Variants in FAM107B observed in about 807,000 individuals in gnomAD.
The protein encoded by FAM107B is family with sequence similarity 107 member B, also known as protein FAM107B.
A neutral mutation model predicts 31.5 loss-of-function variants in FAM107B; 21 were observed. The ratio of observed to expected loss-of-function variants is 0.67; its 90% CI spans 0.47 to 0.96. The LOEUF (loss-of-function observed/expected upper bound fraction) is 0.96, where lower values mean the gene tolerates loss of function less well. Ranked by LOEUF, FAM107B falls within the 40% of genes least tolerant of loss-of-function variation. FAM107B has a pLI of 0.00. For synonymous variants in FAM107B, 157 were observed against 141.5 expected, an observed-to-expected ratio of 1.11 and a Z score of -0.78; for missense variants, 452 against 377.1, an observed-to-expected ratio of 1.20 and a Z score of -1.64.
At chr10:14,571,042 C>T (rs4498873) in intron 2 of FAM107B, among the ~76,000 whole-genome samples, 40,161 of 151,954 alleles carry the variant, frequency 0.26, 5,903 homozygotes, top group Middle Eastern at 0.35. Flanking sequence ...ATTCTAGAGG[C>T]TGGGAAGTCC....
At chr10:14,672,573 T>C (rs1316819928) in intron 1 of FAM107B, among the ~76,000 whole-genome samples, 1 of 152,224 alleles carries the variant, frequency 6.6e-6, no homozygotes, top group Non-Finnish European at 1.5e-5. Flanking sequence ...AGATAGTTTA[T>C]AACCTGATGG....
At chr10:14,752,322 A>G (rs12269006) in intron 1 of FAM107B, among the ~76,000 whole-genome samples, 3,083 of 152,296 alleles carry the variant, frequency 0.02, 117 homozygotes, top group African/African-American at 0.071. Flanking sequence ...GCCTCCCTCC[A>G]GGGAGGAAGG....
intron 2 of FAM107B, among the ~76,000 whole-genome samples, chr10:14,566,206 T>C (rs1850654063): frequency 6.6e-6 from 1 of 152,070 alleles, no homozygotes; most frequent in Non-Finnish European, 1.5e-5. Flanking sequence ...ATCTAATGGA[T>C]TGAGGAGTGA....
chr10:14,677,118 G>T (rs1416844731), intron 1 of FAM107B, among the ~76,000 whole-genome samples: 1 of 152,108 alleles, frequency 6.6e-6, no homozygotes, highest in Non-Finnish European at 1.5e-5. Context: ...CACAAGGGTT[G>T]ATCCCAGGAG....
chr10:14,768,711 T>G (rs1833235718), intron 1 of FAM107B, among the ~76,000 whole-genome samples: 1 of 152,214 alleles, frequency 6.6e-6, no homozygotes, highest in African/African-American at 2.4e-5. Flanking sequence ...AATGAATCAC[T>G]CTCCTTCCTC....
At chr10:14,626,559 A>G (rs1853170002) in intron 2 of FAM107B, among the ~76,000 whole-genome samples, 1 of 137,386 alleles carries the variant, frequency 7.3e-6, no homozygotes, top group Non-Finnish European at 1.5e-5. Context: ...GCTGGAGTGC[A>G]GTGGCGTGAG....
intron 1 of FAM107B, among the ~76,000 whole-genome samples, chr10:14,744,706 A>G (rs56035231): frequency 2.8e-3 from 430 of 152,270 alleles, no homozygotes; most frequent in African/African-American, 9.7e-3. Context: ...CAACTTGATC[A>G]TGGTGGTCAA....
intron 2 of FAM107B, among the ~76,000 whole-genome samples, chr10:14,562,159 T>C (rs1850299845): frequency 6.6e-6 from 1 of 152,244 alleles, no homozygotes; most frequent in African/African-American, 2.4e-5. Flanking sequence ...CATTTTCAAA[T>C]GTAATGATGA....
intron 2 of FAM107B, among the ~76,000 whole-genome samples, chr10:14,564,306 G>T (rs961272616): frequency 6.6e-6 from 1 of 151,868 alleles, no homozygotes; most frequent in Non-Finnish European, 1.5e-5. Context: ...GCAGATCAGC[G>T]GCAGCTTTCT....
chr10:14,723,484 C>T, intron 1 of FAM107B: 1 of 577,834 alleles, frequency 1.7e-6, no homozygotes, highest in Middle Eastern at 3.9e-4. Context: ...CGGGTGTTTA[C>T]AGGAAATGGT....
chr10:14,712,320 G>C (rs539086842), intron 1 of FAM107B, among the ~76,000 whole-genome samples: 1 of 151,970 alleles, frequency 6.6e-6, no homozygotes, highest in African/African-American at 2.4e-5. Flanking sequence ...GGCCGGGTGC[G>C]TGGCTCAAGC....
intron 1 of FAM107B, among the ~76,000 whole-genome samples, chr10:14,713,262 C>T (rs1204798854): frequency 6.6e-6 from 1 of 152,166 alleles, no homozygotes; most frequent in African/African-American, 2.4e-5. Context: ...GCCAGTAAAG[C>T]TTTATCGAGA....
At chr10:14,720,538 G>A (rs1588729411) in intron 1 of FAM107B, among the ~76,000 whole-genome samples, 1 of 152,350 alleles carries the variant, frequency 6.6e-6, no homozygotes, top group East Asian at 1.9e-4. Context: ...ACAGGTGTGA[G>A]TCACCATGCC....
chr10:14,520,735 T>G lies in FAM107B; in HGVS notation c.*455A>C, dbSNP rs1845547857. ...CAAAATTTACAGTGAGTGAACAGAT[T>G]AAACGCATTTCTAGGTGATCTCAAT... is the stretch of plus-strand genomic sequence containing the variant. On this transcript the variant is annotated 3_prime_UTR_variant, in exon 5 of 5. Coordinates refer to ENST00000181796, the MANE Select transcript of FAM107B (RefSeq NM_031453.4). 6.5e-6 allele frequency: 1 copy of G among 153,236 alleles called. No homozygotes were observed. The highest frequency in any genetic ancestry group is 2.4e-5 in the African/African-American group (1 of 41,464). 9.5% of individuals were successfully genotyped at this position (153,236 alleles called of 1,614,324 possible). A position where few individuals can be genotyped will look rare whatever the true frequency, so the allele number is the denominator to read the frequency against.
chr10:14,602,184 T>C (rs994194603), intron 2 of FAM107B, among the ~76,000 whole-genome samples: 2 of 152,166 alleles, frequency 1.3e-5, no homozygotes, highest in African/African-American at 4.8e-5. Context: ...AGGCTACTAC[T>C]GCACCGCAAC....
At chr10:14,585,690 CA>C (rs1851799856) in intron 2 of FAM107B, among the ~76,000 whole-genome samples, 1 of 152,190 alleles carries the variant, frequency 6.6e-6, no homozygotes, top group African/African-American at 2.4e-5. Flanking sequence ...ATAACAAGTA[CA>C]CAAAGAGAGG....
chr10:14,688,807 C>T (rs1043608440), intron 1 of FAM107B, among the ~76,000 whole-genome samples: 1 of 152,196 alleles, frequency 6.6e-6, no homozygotes, highest in Non-Finnish European at 1.5e-5. Flanking sequence ...CCACTTCCCA[C>T]AGCTGCTGCT....
chr10:14,692,848 G>T (rs1044611310), intron 1 of FAM107B, among the ~76,000 whole-genome samples: 2 of 152,188 alleles, frequency 1.3e-5, no homozygotes, highest in African/African-American at 4.8e-5. Flanking sequence ...TATGTGCCAC[G>T]TGAGAATAAA....
intron 2 of FAM107B, among the ~76,000 whole-genome samples, chr10:14,605,008 C>A (rs1420363907): frequency 6.6e-6 from 1 of 152,182 alleles, no homozygotes; most frequent in African/African-American, 2.4e-5. Context: ...CGGGCTCCGT[C>A]TCCCCGGCAA....
Sources: gnomAD v4.1 joint callset for allele counts (sites outside exome capture counted in the v4.1 genomes callset) on GRCh38, gnomAD v4.1.1 for gene constraint, MANE v1.5 for transcripts, NCBI Gene and HGNC (gene_info 2026-07-23, HGNC 2026-07-21) for gene names.